Variants in RBFOX1 observed in about 807,000 individuals in gnomAD.
RBFOX1 encodes RNA binding protein fox-1 homolog 1.
RBFOX1 carries 8 observed loss-of-function variants against 57.7 expected under a neutral mutation model. That is an observed-to-expected ratio of 0.14 (90% CI 0.08 to 0.25). The LOEUF (loss-of-function observed/expected upper bound fraction) is 0.25, where lower values mean the gene tolerates loss of function less well. RBFOX1 is among the 10% of genes least tolerant of loss of function. The pLI, the probability that RBFOX1 is intolerant of heterozygous loss-of-function variation, is 1.00. For missense variants in RBFOX1, 611 were observed against 548.5 expected (o/e 1.11, Z -1.14); for synonymous variants, 326 against 222.4 (o/e 1.47, Z -4.15).
At chr16:6,739,728 T>G (rs1022797932) in intron 3 of RBFOX1, among the ~76,000 whole-genome samples, 1 of 151,884 alleles carries the variant, frequency 6.6e-6, no homozygotes, top group Non-Finnish European at 1.5e-5. Flanking sequence ...AATACAAAAA[T>G]TAGCTGGGCG....
Position 6,882,311 on chromosome 16 carries a change from C to A in RBFOX1, c.-15-169746C>A, listed in dbSNP as rs560109958. On this transcript the variant is annotated intron_variant, in intron 3 of 15. Coordinates refer to ENST00000550418, the MANE Select transcript of RBFOX1 (RefSeq NM_018723.4). ...GAACAACCTGTGCACTGGGTCTCAT[C>A]CTTGTTGTTTGCAATTCTGGCTACT... Among the ~76,000 whole-genome samples the A allele has an allele frequency of 3.3e-5, 5 of 152,208 alleles. No individual in the cohort carries two copies. In the East Asian group the frequency reaches 9.7e-4, roughly 30 times the overall value.
intron 6 of RBFOX1, among the ~76,000 whole-genome samples, chr16:7,585,008 A>G (rs1036047148): frequency 2.0e-5 from 3 of 152,196 alleles, no homozygotes; most frequent in African/African-American, 7.2e-5. Context: ...TTTAAAGGAA[A>G]TGTTTTTGGG....
intron 4 of RBFOX1, among the ~76,000 whole-genome samples, chr16:7,360,571 G>T (rs542886555): frequency 5.3e-4 from 80 of 152,280 alleles, no homozygotes; most frequent in African/African-American, 1.7e-3. Flanking sequence ...TGTGCCTAGG[G>T]AAGTGAGGTG....
intron 3 of RBFOX1, among the ~76,000 whole-genome samples, chr16:5,800,696 C>A (rs1379296667): frequency 6.6e-6 from 1 of 152,050 alleles, no homozygotes; most frequent in South Asian, 2.1e-4. Context: ...AAGTGTTGTC[C>A]CTGCAGTCAT....
chr16:5,858,925 CCCTT>C (rs769147213), intron 3 of RBFOX1, among the ~76,000 whole-genome samples: 61 of 152,252 alleles, frequency 4.0e-4, no homozygotes, highest in South Asian at 8.3e-4. Flanking sequence ...TCAGAAATAC[CCCTT>C]TGGGGCCGGG....
At chr16:6,077,588 G>A (rs1055307614) in intron 1 of RBFOX1, among the ~76,000 whole-genome samples, 1 of 152,094 alleles carries the variant, frequency 6.6e-6, no homozygotes, top group Admixed American at 6.5e-5. Flanking sequence ...ACCTCCTTAA[G>A]TTATATATAC....
At chr16:7,403,348 C>G (rs1180435867) in intron 4 of RBFOX1, among the ~76,000 whole-genome samples, 5 of 152,104 alleles carry the variant, frequency 3.3e-5, no homozygotes, top group Admixed American at 1.3e-4. Flanking sequence ...TCTTGGATAA[C>G]TGAAATTTTG....
intron 2 of RBFOX1, among the ~76,000 whole-genome samples, chr16:5,576,664 C>G (rs923110362): frequency 2.0e-5 from 3 of 152,338 alleles, no homozygotes; most frequent in African/African-American, 7.2e-5. Flanking sequence ...GGAATGCCAT[C>G]TCATTTGTCT....
intron 5 of RBFOX1, among the ~76,000 whole-genome samples, chr16:7,525,481 G>A (rs886653491): frequency 5.3e-5 from 8 of 152,268 alleles, no homozygotes; most frequent in African/African-American, 1.9e-4. Context: ...GACTTAAGAT[G>A]TGGACATTGA....
At chr16:7,294,930 A>G (rs570490533) in intron 4 of RBFOX1, among the ~76,000 whole-genome samples, 20 of 152,330 alleles carry the variant, frequency 1.3e-4, no homozygotes, top group Middle Eastern at 3.4e-3. Flanking sequence ...GATAAGATAG[A>G]TACTTCTTGT....
intron 3 of RBFOX1, among the ~76,000 whole-genome samples, chr16:6,658,687 A>C (rs1406851399): frequency 1.3e-5 from 2 of 152,130 alleles, no homozygotes; most frequent in African/African-American, 4.8e-5. Context: ...GCCATTTGGA[A>C]AACCTTGCCT....
At chr16:5,466,335 C>G (rs750021695) in intron 1 of RBFOX1, among the ~76,000 whole-genome samples, 7 of 152,176 alleles carry the variant, frequency 4.6e-5, no homozygotes, top group East Asian at 3.9e-4. Flanking sequence ...CCTTCTGAGA[C>G]CAAGGGGAGC....
chr16:6,811,089 T>C (rs2088435601), intron 3 of RBFOX1, among the ~76,000 whole-genome samples: 1 of 152,204 alleles, frequency 6.6e-6, no homozygotes, highest in African/African-American at 2.4e-5. Flanking sequence ...TTCTGGGATG[T>C]TGTGGCTGAG....
chr16:5,254,167 A>T (rs2062526025), intron 1 of RBFOX1, among the ~76,000 whole-genome samples: 1 of 152,200 alleles, frequency 6.6e-6, no homozygotes, highest in South Asian at 2.1e-4. Flanking sequence ...TACAGATGAG[A>T]AAGTTGAGGC....
At chr16:6,697,744 G>T (rs564601622) in intron 3 of RBFOX1, among the ~76,000 whole-genome samples, 2 of 152,206 alleles carry the variant, frequency 1.3e-5, no homozygotes, top group African/African-American at 2.4e-5. Flanking sequence ...GTCCAAAAAA[G>T]GAAGGAAAAC....
intron 3 of RBFOX1, among the ~76,000 whole-genome samples, chr16:6,961,347 C>A (rs940168445): frequency 6.6e-6 from 1 of 152,180 alleles, no homozygotes; most frequent in Non-Finnish European, 1.5e-5. Context: ...CCTGCGTCCA[C>A]TCCAGACCGT....
chr16:5,802,321 G>A (rs1486357268), intron 3 of RBFOX1, among the ~76,000 whole-genome samples: 1 of 152,012 alleles, frequency 6.6e-6, no homozygotes, highest in Non-Finnish European at 1.5e-5. Flanking sequence ...TGCAGCCAGG[G>A]AACCAACTTT....
At chr16:7,381,813 G>T (rs2097786218) in intron 4 of RBFOX1, among the ~76,000 whole-genome samples, 1 of 152,052 alleles carries the variant, frequency 6.6e-6, no homozygotes, top group Non-Finnish European at 1.5e-5. Context: ...GTGGACGCTG[G>T]GCTGGATCAT....
intron 2 of RBFOX1, among the ~76,000 whole-genome samples, chr16:6,346,824 C>T (rs1279071231): frequency 1.3e-5 from 2 of 152,088 alleles, no homozygotes; most frequent in African/African-American, 4.8e-5. Context: ...CTGGATCTCT[C>T]ATATATTACC....
Sources: gnomAD v4.1 joint callset for allele counts (sites outside exome capture counted in the v4.1 genomes callset) on GRCh38, gnomAD v4.1.1 for gene constraint, MANE v1.5 for transcripts, NCBI Gene and HGNC (gene_info 2026-07-23, HGNC 2026-07-21) for gene names.